SEC14L4: variants seen among roughly 807,000 people sequenced by gnomAD.
The protein encoded by SEC14L4 is SEC14 like lipid binding 4, also known as SEC14-like protein 4.
In SEC14L4, 42 loss-of-function variants were observed where a neutral mutation model predicts 55.1. The ratio of observed to expected loss-of-function variants is 0.76; its 90% CI spans 0.60 to 0.99. The LOEUF (loss-of-function observed/expected upper bound fraction) is 0.99, where lower values mean the gene tolerates loss of function less well. SEC14L4 is among the 50% of genes least tolerant of loss of function. The pLI is 0.00. For missense variants in SEC14L4, 445 were observed against 512.1 expected (o/e 0.87, Z 1.27); for synonymous variants, 206 against 206.8 (o/e 1.00, Z 0.03).
chr22:30,494,907 G>A lies in SEC14L4; in HGVS notation c.478C>T (p.Leu160=). ...ACAGCTGGCTTCCACAGGTGTTTCA[G>A]GCTCAGCCCCTCCATGTCAAACACC... is the stretch of plus-strand genomic sequence containing the variant. ...LMVFDMEGLS[L]KHLWKPAVEV... Residue 160 remains leucine (L), a synonymous_variant, in exon 6 of 12, where the codon CTG becomes TTG. Coordinates refer to ENST00000255858, the MANE Select transcript of SEC14L4 (RefSeq NM_174977.4). 4 of 1,613,690 alleles carry A rather than the reference G, an allele frequency of 2.5e-6. No individual in the cohort carries two copies. Among genetic ancestry groups the A allele is most frequent in the Non-Finnish European group, 3.4e-6 (4 of 1,179,966 alleles).
chr22:30,494,843 C>T, intron 6 of SEC14L4, 23 bp downstream of exon 6: 2 of 1,566,294 alleles, frequency 1.3e-6, no homozygotes, highest in Non-Finnish European at 8.8e-7. Flanking sequence ...CCACACCAGC[C>T]CCAAGCCAGC....
intron 2 of SEC14L4, among the ~76,000 whole-genome samples, chr22:30,498,124 C>CTTTTTTTTT (rs869157636): frequency 5.1e-5 from 5 of 98,350 alleles, no homozygotes; most frequent in Admixed American, 1.2e-4. Flanking sequence ...TTTTCATTAT[C>CTTTTTTTTT]TTTTTTTTTT....
chr22:30,500,800 C>G lies in SEC14L4; in HGVS notation c.130+2877G>C, dbSNP rs187989235. On this transcript the variant is annotated intron_variant, in intron 2 of 11. Transcript: ENST00000255858. Reference sequence around the variant, plus strand: ...TTTTTTTTTAGTAACACCTACTATGCGCCAGGCTGAGGGGACCAGGGCAGG... The same window carrying G: ...TTTTTTTTTAGTAACACCTACTATGGGCCAGGCTGAGGGGACCAGGGCAGG... Among the ~76,000 whole-genome samples the G allele has an allele frequency of 4.9e-3, 575 of 116,812 alleles. 14 individuals carry two copies. Among genetic ancestry groups the G allele is most frequent in the African/African-American group, 0.019 (550 of 29,444 alleles). The allele number at this position is 116,812 out of a possible 152,430, so 76.6% of individuals were successfully genotyped here.
Position 30,495,169 on chromosome 22 carries a change from C to T in SEC14L4, c.423+85G>A. ...CCACCAGAGCCCTGGGTGCTGAGGG[C>T]TGGGGAGGGGCAGGGTGCCACCCTT... On this transcript the variant is annotated intron_variant, in intron 5 of 11. Coordinates refer to ENST00000255858, the MANE Select transcript of SEC14L4 (RefSeq NM_174977.4). The T allele has an allele frequency of 3.0e-6, 4 of 1,330,598 alleles. No homozygotes were observed. In the South Asian group the frequency reaches 5.7e-5, roughly 19 times the overall value. 82.4% of individuals were successfully genotyped at this position (1,330,598 alleles called of 1,614,324 possible). A position where few individuals can be genotyped will look rare whatever the true frequency, so the allele number is the denominator to read the frequency against.
At chr22:30,495,780 G>A (rs749420765) in intron 3 of SEC14L4, 138 bp from the exon 4 acceptor site, 2 of 1,600,022 alleles carry the variant, frequency 1.2e-6, no homozygotes, top group Non-Finnish European at 1.7e-6. Context: ...GTGGGCTGGG[G>A]GGACTTGGGT....
chr22:30,496,064 G>GCCTTTT, intron 2 of SEC14L4, 93 bp from the exon 3 acceptor site: 1 of 934,540 alleles, frequency 1.1e-6, no homozygotes, highest in Non-Finnish European at 1.7e-6. Flanking sequence ...GGTGTCCCCA[G>GCCTTTT]CCTTTTCCTG....
At chr22:30,496,494 CCA>C (rs1936155050) in intron 2 of SEC14L4, among the ~76,000 whole-genome samples, 1 of 152,088 alleles carries the variant, frequency 6.6e-6, no homozygotes, top group South Asian at 2.1e-4. Context: ...ATTTCAGTTT[CCA>C]GTCTTCCTAC....
chr22:30,505,617 C>T lies in SEC14L4; in HGVS notation c.-6G>A, dbSNP rs1285405465. 1 of 1,553,444 alleles carries T rather than the reference C, an allele frequency of 6.4e-7. No homozygotes were observed. The highest frequency in any genetic ancestry group is 1.4e-5 in the African/African-American group (1 of 73,640). On this transcript the variant is annotated 5_prime_UTR_variant, in exon 1 of 12. Coordinates refer to ENST00000255858, the MANE Select transcript of SEC14L4 (RefSeq NM_174977.4). ...TCCCCGACTCGGCTGCTCATGGTGC[C>T]CGCGGGCGCAGAAAGGCTCAGGGCG...
chr22:30,489,894 G>A lies in SEC14L4; in HGVS notation c.*213C>T, dbSNP rs1371953586. 3.9e-6 allele frequency: 6 copies of A among 1,551,698 alleles called. No homozygotes were observed. The South Asian group carries it at 7.1e-5, about 18-fold the overall frequency. On this transcript the variant is annotated 3_prime_UTR_variant, in exon 12 of 12. Transcript: ENST00000255858. The stretch of plus-strand genomic sequence containing the variant: ...GCCGCATTCTCTGGGAACAGGGAAA[G>A]AGGTTCCTGTCTGAATCTTCAGCAT...
In SEC14L4 at chr22:30,495,282, A is replaced by C. The variant is rs774789497; in HGVS notation, c.395T>G (p.Leu132Trp). Residue 132 changes from leucine (L) to tryptophan (W), a missense_variant, in exon 5 of 12, where the codon TTG becomes TGG. Transcript: ENST00000255858. ...RKRIKVCELL[L>W]HECELQTQKL... is the part of the protein sequence containing the mutation. ...CTGAGTTTGCAGCTCACACTCATGC[A>C]ACAGCAGCTCACAGACTTTGATGCG... 2 of 1,612,896 alleles carry C rather than the reference A, an allele frequency of 1.2e-6. No individual in the cohort carries two copies. The highest frequency in any genetic ancestry group is 1.7e-5 in the Admixed American group (1 of 59,946).
At chr22:30,499,592 A>C (rs541287696) in intron 2 of SEC14L4, among the ~76,000 whole-genome samples, 1 of 151,438 alleles carries the variant, frequency 6.6e-6, no homozygotes, top group Non-Finnish European at 1.5e-5. Context: ...ACAAAAAATT[A>C]GCTGAGTGTG....
At position 30,495,374 on chromosome 22, in the gene SEC14L4, G is replaced by C. The variant is rs1358237886; in HGVS notation, c.303C>G (p.Asn101Lys). 1 of 1,614,114 alleles carries C rather than the reference G, an allele frequency of 6.2e-7. No individual in the cohort carries two copies. The highest frequency in any genetic ancestry group is 8.5e-7 in the Non-Finnish European group (1 of 1,180,004). The change falls in exon 5 of 12, where the codon AAC (asparagine) becomes AAG (lysine). Residue 101 changes from asparagine to lysine, a missense_variant. Transcript: ENST00000255858. ...CCTTGGGGTCGAGGGACCCAATGAT[G>C]TTGAAGTACACAGGGCAGCCTTCGT... Reference protein sequence around the residue: ...YDYEGCPVYFNIIGSLDPKGL... With the variant: ...YDYEGCPVYFKIIGSLDPKGL...
intron 2 of SEC14L4, among the ~76,000 whole-genome samples, chr22:30,500,990 A>T (rs1936302925): frequency 6.6e-6 from 1 of 151,740 alleles, no homozygotes; most frequent in South Asian, 2.1e-4. Flanking sequence ...TGGGTCCAGG[A>T]GTTCGAGACC....
chr22:30,505,619 G>C lies in SEC14L4; in HGVS notation c.-8C>G, dbSNP rs754894053. 7.7e-6 allele frequency: 12 copies of C among 1,551,946 alleles called. No individual in the cohort carries two copies. Among genetic ancestry groups the C allele is most frequent in the South Asian group, 1.2e-5 (1 of 84,822 alleles). The stretch of plus-strand genomic sequence containing the variant: ...CCCGACTCGGCTGCTCATGGTGCCC[G>C]CGGGCGCAGAAAGGCTCAGGGCGCA... On this transcript the variant is annotated 5_prime_UTR_variant, in exon 1 of 12. Transcript: ENST00000255858.
chr22:30,494,765 C>T, intron 6 of SEC14L4, 101 bp downstream of exon 6: 1 of 773,720 alleles, frequency 1.3e-6, no homozygotes, highest in Non-Finnish European at 2.2e-6. Flanking sequence ...GCAAGGCATC[C>T]CCACCCCTCT....
chr22:30,497,040 T>A (rs1188959259), intron 2 of SEC14L4, among the ~76,000 whole-genome samples: 1 of 152,050 alleles, frequency 6.6e-6, no homozygotes, highest in Non-Finnish European at 1.5e-5. Context: ...CATGAAACAG[T>A]TCCAGAAATC....
At chr22:30,493,954 A>G (rs1601845401) in intron 7 of SEC14L4, among the ~76,000 whole-genome samples, 196 bp downstream of exon 7, 1 of 152,162 alleles carries the variant, frequency 6.6e-6, no homozygotes, top group South Asian at 2.1e-4. Context: ...CAGTGAGCCA[A>G]TATCATGCCA....
intron 2 of SEC14L4, among the ~76,000 whole-genome samples, chr22:30,502,037 T>A (rs1279213808): frequency 6.6e-6 from 1 of 151,766 alleles, no homozygotes; most frequent in Non-Finnish European, 1.5e-5. Context: ...CAGCTAATTT[T>A]TGTATTTTTG....
At chr22:30,496,967 C>A (rs1038930691) in intron 2 of SEC14L4, among the ~76,000 whole-genome samples, 1 of 152,148 alleles carries the variant, frequency 6.6e-6, no homozygotes, top group South Asian at 2.1e-4. Flanking sequence ...AAACAATATG[C>A]GGGGTCAGAG....
Sources: gnomAD v4.1 joint callset for allele counts (sites outside exome capture counted in the v4.1 genomes callset) on GRCh38, gnomAD v4.1.1 for gene constraint, MANE v1.5 for transcripts, NCBI Gene and HGNC (gene_info 2026-07-23, HGNC 2026-07-21) for gene names.